TMX2: variants seen among roughly 807,000 people sequenced by gnomAD.
TMX2 encodes thioredoxin-related transmembrane protein 2.
Under a neutral mutation model 33.4 loss-of-function variants are expected in TMX2, and 20 were observed. The observed-to-expected ratio is 0.60, with a 90% confidence interval of 0.42 to 0.87. The LOEUF is 0.87. TMX2 is among the 40% of genes least tolerant of loss of function. The pLI is 0.00. For synonymous variants in TMX2, 166 were observed against 140.7 expected (o/e 1.18, Z -1.27); for missense variants, 340 against 370.7 (o/e 0.92, Z 0.68).
At chr11:57,732,003 A>G (rs976741351) in intron 1 of TMX2, among the ~76,000 whole-genome samples, 1 of 151,818 alleles carries the variant, frequency 6.6e-6, no homozygotes, top group African/African-American at 2.4e-5. Context: ...CCAAAAACAT[A>G]TCAAAGTTGC....
At chr11:57,718,401 CT>C in intron 1 of TMX2, 2 of 1,417,876 alleles carry the variant, frequency 1.4e-6, no homozygotes, top group East Asian at 4.7e-5. Flanking sequence ...CAACCAAATC[CT>C]TTTTGTCCAG....
At chr11:57,721,701 A>G (rs1947643504) in intron 1 of TMX2, among the ~76,000 whole-genome samples, 2 of 152,216 alleles carry the variant, frequency 1.3e-5, no homozygotes, top group Admixed American at 1.3e-4. Context: ...GTAATTTTCT[A>G]GGTTCAGAAT....
chr11:57,724,313 C>A (rs1229725533), intron 1 of TMX2, among the ~76,000 whole-genome samples: 2 of 152,244 alleles, frequency 1.3e-5, no homozygotes, highest in East Asian at 3.9e-4. Flanking sequence ...GCCCAACTCT[C>A]CCTTTAAAAT....
rs763079097 is a variant in TMX2 at position 57,738,342 on chromosome 11, T to C, written c.365-12T>C. On this transcript the variant is annotated splice_polypyrimidine_tract_variant and intron_variant, in intron 3 of 7. Coordinates refer to ENST00000278422, the MANE Select transcript of TMX2 (RefSeq NM_015959.4). ...TTTTATGTTTCCTTCGACATCTTCT[T>C]TCTGTATTTAGTGTTCCTGATGACG... 1 of 1,585,676 alleles carries C rather than the reference T, an allele frequency of 6.3e-7. No individual in the cohort carries two copies. Among genetic ancestry groups the C allele is most frequent in the Non-Finnish European group, 8.7e-7 (1 of 1,155,456 alleles).
intron 1 of TMX2, among the ~76,000 whole-genome samples, chr11:57,726,851 T>G (rs968350890): frequency 1.3e-5 from 2 of 152,236 alleles, no homozygotes; most frequent in Non-Finnish European, 2.9e-5. Context: ...TCTAATTTAA[T>G]GTTGGTATCA....
chr11:57,723,451 C>G (rs1468017655), intron 1 of TMX2, among the ~76,000 whole-genome samples: 1 of 147,876 alleles, frequency 6.8e-6, no homozygotes, highest in African/African-American at 2.5e-5. Flanking sequence ...CCATTGCACT[C>G]CAGCCTGGGC....
At chr11:57,716,769 A>G in intron 1 of TMX2, among the ~76,000 whole-genome samples, 1 of 139,994 alleles carries the variant, frequency 7.1e-6, no homozygotes, top group East Asian at 2.2e-4. Flanking sequence ...GGGGCTCCTC[A>G]CTTCCCAGTA....
At chr11:57,719,514 C>CTTTTTTTTTT (rs1183104624) in intron 1 of TMX2, among the ~76,000 whole-genome samples, 5 of 70,510 alleles carry the variant, frequency 7.1e-5, no homozygotes, top group African/African-American at 1.1e-4. Flanking sequence ...TTTTCTTTGT[C>CTTTTTTTTTT]TTTTTTTTTT....
chr11:57,727,411 A>G (rs1363432636), intron 1 of TMX2, among the ~76,000 whole-genome samples: 2 of 152,272 alleles, frequency 1.3e-5, no homozygotes, highest in East Asian at 1.9e-4. Context: ...CTACACATAC[A>G]TTCTATGGAA....
intron 1 of TMX2, among the ~76,000 whole-genome samples, chr11:57,716,768 C>G (rs1274510461): frequency 6.8e-6 from 1 of 148,120 alleles, no homozygotes; most frequent in Admixed American, 6.7e-5. Context: ...AGGGGCTCCT[C>G]ACTTCCCAGT....
At chr11:57,729,621 G>A (rs866012811) in intron 1 of TMX2, among the ~76,000 whole-genome samples, 1 of 152,034 alleles carries the variant, frequency 6.6e-6, no homozygotes, top group African/African-American at 2.4e-5. Context: ...CCTTTAATAT[G>A]CAAATTTAAG....
At chr11:57,727,804 G>GCT (rs1298474343) in intron 1 of TMX2, among the ~76,000 whole-genome samples, 1 of 152,236 alleles carries the variant, frequency 6.6e-6, no homozygotes, top group East Asian at 1.9e-4. Context: ...TTTACAACCT[G>GCT]CTCTCTCTGA....
At chr11:57,717,202 G>A (rs1468940470) in intron 1 of TMX2, among the ~76,000 whole-genome samples, 2 of 150,832 alleles carry the variant, frequency 1.3e-5, no homozygotes, top group East Asian at 3.9e-4. Context: ...GGGCAGAGAC[G>A]CTCCTCACTT....
rs1240073717 is a variant in TMX2, at chr11:57,718,236, A to G, written c.189+5429A>G. The G allele has an allele frequency of 6.7e-6, 10 of 1,484,332 alleles. No homozygotes were observed. The Admixed American group carries it at 8.4e-5, about 12-fold the overall frequency. The allele number at this position is 1,484,332 out of a possible 1,614,324, so 91.9% of individuals were successfully genotyped here. On this transcript the variant is annotated intron_variant, in intron 1 of 7. Coordinates refer to ENST00000278422, the MANE Select transcript of TMX2 (RefSeq NM_015959.4). ...TTTTGTGTTGGGTCCAGCAATTGCC[A>G]TGGACAAGGTGCCAGGACCTGTATG...
rs374321605 is a variant in TMX2 at position 57,712,771 on chromosome 11, C to G, written c.153C>G (p.Thr51=). Residue 51 remains threonine (T), a synonymous_variant, in exon 1 of 8, where the codon ACC becomes ACG. Transcript: ENST00000278422. The part of the protein sequence containing the change: ...KLPPLCHGLP[T]QREDGNPCDF... ...CGCCGCTCTGCCACGGTCTGCCCAC[C>G]CAACGCGAAGACGGTAACCCGTGTG... The G allele has an allele frequency of 1.2e-6, 2 of 1,614,042 alleles. No homozygotes were observed. The highest frequency in any genetic ancestry group is 2.7e-5 in the African/African-American group (2 of 74,950).
At chr11:57,720,196 T>C (rs1295045846) in intron 1 of TMX2, among the ~76,000 whole-genome samples, 1 of 151,524 alleles carries the variant, frequency 6.6e-6, no homozygotes, top group African/African-American at 2.4e-5. Flanking sequence ...GTTTTCCTTA[T>C]AGAGCCCCAA....
intron 1 of TMX2, among the ~76,000 whole-genome samples, chr11:57,731,786 C>A (rs565430765): frequency 1.3e-5 from 2 of 152,228 alleles, no homozygotes; most frequent in South Asian, 2.1e-4. Context: ...TGGGGACCCA[C>A]AGCACAATTT....
chr11:57,731,118 GTTTTTTGTTTTTTTT>G (rs1380848197), intron 1 of TMX2, among the ~76,000 whole-genome samples: 8 of 71,202 alleles, frequency 1.1e-4, no homozygotes, highest in Admixed American at 2.1e-4. Context: ...TCCGTTTTTT[GTTTTTTGTTTTTTTT>G]TTTTTTTTTT....
chr11:57,734,356 G>A (rs1443365547), intron 1 of TMX2, among the ~76,000 whole-genome samples: 1 of 152,202 alleles, frequency 6.6e-6, no homozygotes, highest in East Asian at 1.9e-4. Context: ...GAAGTTTGCA[G>A]TAGCAATAGC....
Sources: allele counts gnomAD v4.1 joint callset (sites outside exome capture counted in the v4.1 genomes callset), GRCh38; gene constraint gnomAD v4.1.1; transcripts MANE v1.5; gene names NCBI Gene and HGNC (gene_info 2026-07-23, HGNC 2026-07-21).